Variants in PBX3 observed in about 807,000 individuals in gnomAD.
The protein encoded by PBX3 is PBX homeobox 3.
Under a neutral mutation model 48.5 loss-of-function variants are expected in PBX3, and 14 were observed. The ratio of observed to expected loss-of-function variants is 0.29; its 90% CI spans 0.19 to 0.45. The LOEUF is 0.45. Ranked by LOEUF, PBX3 falls within the 20% of genes least tolerant of loss-of-function variation. The pLI, the probability that PBX3 is intolerant of heterozygous loss-of-function variation, is 1.00. For missense variants in PBX3, 386 were observed against 546.7 expected (o/e 0.71, Z 2.93); for synonymous variants, 210 against 200.3 (o/e 1.05, Z -0.41).
intron 3 of PBX3, among the ~76,000 whole-genome samples, chr9:125,926,591 T>G (rs1588303482): frequency 6.6e-6 from 1 of 150,620 alleles, no homozygotes; most frequent in Admixed American, 6.6e-5. Flanking sequence ...CTGAGGCAGG[T>G]AGATCACTTG....
At chr9:125,882,583 A>G (rs73667276) in intron 2 of PBX3, among the ~76,000 whole-genome samples, 5,780 of 152,304 alleles carry the variant, frequency 0.038, 383 homozygotes, top group African/African-American at 0.13. Context: ...GCATACTTCA[A>G]CAGATTTAGA....
intron 2 of PBX3, among the ~76,000 whole-genome samples, chr9:125,767,782 G>A (rs747087878): frequency 6.6e-6 from 1 of 152,132 alleles, no homozygotes; most frequent in Non-Finnish European, 1.5e-5. Context: ...GAAGCCTAGT[G>A]GATCTGCTTT....
At chr9:125,892,880 G>A (rs2132391806) in intron 2 of PBX3, among the ~76,000 whole-genome samples, 1 of 152,300 alleles carries the variant, frequency 6.6e-6, no homozygotes, top group Non-Finnish European at 1.5e-5. Context: ...AATAATAGTA[G>A]CTTGGGTGAA....
intron 2 of PBX3, among the ~76,000 whole-genome samples, chr9:125,874,238 A>T (rs1840195487): frequency 6.6e-6 from 1 of 152,146 alleles, no homozygotes; most frequent in African/African-American, 2.4e-5. Context: ...GGACCAGAGG[A>T]TTTTTCTATG....
intron 5 of PBX3, among the ~76,000 whole-genome samples, chr9:125,939,239 T>C (rs146119941): frequency 1.3e-5 from 2 of 152,166 alleles, no homozygotes; most frequent in African/African-American, 4.8e-5. Context: ...ATCCAAAATA[T>C]ATAAGGAACT....
intron 2 of PBX3, among the ~76,000 whole-genome samples, chr9:125,790,956 C>T (rs1348863809): frequency 6.6e-6 from 1 of 151,644 alleles, no homozygotes; most frequent in African/African-American, 2.4e-5. Flanking sequence ...CTCTGTTGCC[C>T]AGGCTGGAAT....
At chr9:125,792,029 ATAC>A (rs1223390843) in intron 2 of PBX3, among the ~76,000 whole-genome samples, 1 of 148,078 alleles carries the variant, frequency 6.8e-6, no homozygotes, top group Non-Finnish European at 1.5e-5. Flanking sequence ...GAATGGATTA[ATAC>A]TACACACACA....
intron 2 of PBX3, among the ~76,000 whole-genome samples, chr9:125,869,637 C>A (rs764921878): frequency 5.3e-5 from 8 of 152,018 alleles, no homozygotes; most frequent in Non-Finnish European, 7.4e-5. Flanking sequence ...AATTATCAAC[C>A]TAGAATTGTC....
intron 5 of PBX3, among the ~76,000 whole-genome samples, chr9:125,958,064 C>T (rs1297269574): frequency 6.6e-6 from 1 of 152,186 alleles, no homozygotes; most frequent in Non-Finnish European, 1.5e-5. Flanking sequence ...TAGAACTTTT[C>T]TGTTTTTAGA....
intron 2 of PBX3, among the ~76,000 whole-genome samples, chr9:125,793,640 G>T (rs562744289): frequency 6.6e-6 from 1 of 151,750 alleles, no homozygotes; most frequent in Non-Finnish European, 1.5e-5. Context: ...ATTTTGGCCA[G>T]ACTGGTCTTG....
rs1842332575 is a variant in PBX3, at chr9:125,957,391, C to T, written c.844-3293C>T. On this transcript the variant is annotated intron_variant, in intron 5 of 8. Transcript: ENST00000373489. ...AAAGATTAAGAAGTATTGGGACTAG[C>T]AGAATAAAAACGATCTGATGTCAAG... Among the ~76,000 whole-genome samples, 2 of 152,162 alleles carry T rather than the reference C, an allele frequency of 1.3e-5. 1 individual carries two copies. The highest frequency in any genetic ancestry group is 4.1e-4 in the South Asian group (2 of 4,822).
chr9:125,955,225 G>A (rs1267966344), intron 5 of PBX3, among the ~76,000 whole-genome samples: 1 of 115,868 alleles, frequency 8.6e-6, no homozygotes, highest in East Asian at 2.9e-4. Flanking sequence ...AGCAACACCT[G>A]GGGAGAACCT....
intron 4 of PBX3, among the ~76,000 whole-genome samples, chr9:125,932,468 C>T (rs1230816227): frequency 2.6e-5 from 4 of 152,138 alleles, no homozygotes; most frequent in Non-Finnish European, 5.9e-5. Context: ...TTTGCATTCC[C>T]CACAATTCTA....
chr9:125,757,333 C>G (rs1292179570), intron 2 of PBX3, among the ~76,000 whole-genome samples: 1 of 151,316 alleles, frequency 6.6e-6, no homozygotes, highest in African/African-American at 2.4e-5. Context: ...TCAGATATAT[C>G]ATTTTCAACT....
intron 2 of PBX3, among the ~76,000 whole-genome samples, chr9:125,810,365 AGTGTGTGT>A (rs113025234): frequency 3.4e-5 from 5 of 145,416 alleles, no homozygotes; most frequent in Admixed American, 6.8e-5. Flanking sequence ...AGCAGGAATG[AGTGTGTGT>A]GTGTGTGTGT....
intron 5 of PBX3, among the ~76,000 whole-genome samples, chr9:125,946,818 A>G (rs1212446129): frequency 6.6e-6 from 1 of 152,166 alleles, no homozygotes; most frequent in Admixed American, 6.5e-5. Flanking sequence ...TAATGGCTGA[A>G]AACTTTCCAA....
chr9:125,858,225 C>T (rs986162607), intron 2 of PBX3, among the ~76,000 whole-genome samples: 2 of 152,010 alleles, frequency 1.3e-5, no homozygotes, highest in African/African-American at 4.8e-5. Flanking sequence ...ATTATCTGAG[C>T]GTAGTGTTGC....
At chr9:125,814,974 A>G (rs1025281659) in intron 2 of PBX3, among the ~76,000 whole-genome samples, 1 of 152,154 alleles carries the variant, frequency 6.6e-6, no homozygotes, top group Non-Finnish European at 1.5e-5. Context: ...TCTCATTTCT[A>G]ACTCATCTTT....
intron 2 of PBX3, among the ~76,000 whole-genome samples, chr9:125,751,815 C>T (rs1225773768): frequency 1.3e-5 from 2 of 152,156 alleles, no homozygotes; most frequent in Non-Finnish European, 2.9e-5. Context: ...AAGGTCTGCT[C>T]ACCTGCATAC....
Sources: allele counts gnomAD v4.1 joint callset (sites outside exome capture counted in the v4.1 genomes callset), GRCh38; gene constraint gnomAD v4.1.1; transcripts MANE v1.5; gene names NCBI Gene and HGNC (gene_info 2026-07-23, HGNC 2026-07-21).